TRIM37: variants seen among roughly 807,000 people sequenced by gnomAD.
TRIM37 encodes E3 ubiquitin-protein ligase TRIM37.
A neutral mutation model predicts 129.8 loss-of-function variants in TRIM37; 80 were observed. That is an observed-to-expected ratio of 0.62 (90% CI 0.51 to 0.74). The LOEUF (loss-of-function observed/expected upper bound fraction) is 0.74, where lower values mean the gene tolerates loss of function less well. TRIM37 is among the 30% of genes least tolerant of loss of function. The probability of loss-of-function intolerance (pLI) is 0.00; values close to 1 mark genes in which losing one functional copy is unlikely to be tolerated. For synonymous variants in TRIM37, 389 were observed against 387.1 expected (o/e 1.00, Z -0.06); for missense variants, 1,054 against 1,176.5 (o/e 0.90, Z 1.52).
Position 59,106,570 on chromosome 17 carries a change from C to T in TRIM37, c.-109G>A. The T allele has an allele frequency of 1.5e-6, 2 of 1,378,220 alleles. No homozygotes were observed. Among genetic ancestry groups the T allele is most frequent in the Admixed American group, 1.9e-5 (1 of 52,340 alleles). 85.4% of individuals were successfully genotyped at this position (1,378,220 alleles called of 1,614,324 possible). On this transcript the variant is annotated 5_prime_UTR_variant, in exon 1 of 24. Coordinates refer to ENST00000262294, the MANE Select transcript of TRIM37 (RefSeq NM_015294.6). ...CAAATCGCCGATAAAAGCCCGGCGC[C>T]CACGTCAGGGGGCTCTGACAACCGC...
chr17:58,967,770 G>C, the TRIM37 span, among the ~76,000 whole-genome samples: 1 of 150,678 alleles, frequency 6.6e-6, no homozygotes, highest in East Asian at 1.9e-4. Context: ...CTTTAGTAGG[G>C]ATAGAAATTC....
At chr17:59,070,529 G>A (rs2042274459) in intron 9 of TRIM37, among the ~76,000 whole-genome samples, 2 of 151,994 alleles carry the variant, frequency 1.3e-5, no homozygotes, top group Admixed American at 6.6e-5. Flanking sequence ...AACTAGATTT[G>A]TATGTATACA....
At chr17:59,037,341 A>G (rs1321125678) in intron 17 of TRIM37, among the ~76,000 whole-genome samples, 3 of 151,744 alleles carry the variant, frequency 2.0e-5, no homozygotes, top group Non-Finnish European at 2.9e-5. Flanking sequence ...GGCAGATCAC[A>G]AGATCAGGAG....
the TRIM37 span, chr17:58,972,754 A>T: frequency 7.9e-7 from 1 of 1,269,044 alleles, no homozygotes; most frequent in Non-Finnish European, 1.2e-6. Flanking sequence ...TGAGTATTAT[A>T]TCTGTTGTTT....
intron 23 of TRIM37, 98 bp downstream of exon 23, chr17:59,001,500 G>T: frequency 4.1e-6 from 6 of 1,467,984 alleles, no homozygotes; most frequent in Admixed American, 1.8e-5. Flanking sequence ...AAAAGCAGTA[G>T]AGCGGAAAAA....
chr17:59,075,919 A>G (rs767969919), intron 7 of TRIM37, among the ~76,000 whole-genome samples: 1 of 152,234 alleles, frequency 6.6e-6, no homozygotes, highest in Admixed American at 6.5e-5. Context: ...AACCAATTCT[A>G]ATTAGTTTTA....
the TRIM37 span, among the ~76,000 whole-genome samples, chr17:58,970,362 A>G: frequency 2.6e-5 from 4 of 152,196 alleles, no homozygotes; most frequent in African/African-American, 9.6e-5. Context: ...AAATTAATCT[A>G]ATTATCGTTC....
chr17:59,105,942 C>T (rs150151500), intron 1 of TRIM37, among the ~76,000 whole-genome samples: 1 of 152,188 alleles, frequency 6.6e-6, no homozygotes, highest in African/African-American at 2.4e-5. Flanking sequence ...TTACAAGAAT[C>T]AGTTATAAAA....
At chr17:59,013,417 G>A (rs1283631847) in intron 21 of TRIM37, among the ~76,000 whole-genome samples, 4 of 152,084 alleles carry the variant, frequency 2.6e-5, no homozygotes. Flanking sequence ...AAAGTGCTGG[G>A]GTTACAGGTG....
chr17:59,091,192 G>A (rs903115632), intron 3 of TRIM37, 108 bp downstream of exon 3: 4 of 623,364 alleles, frequency 6.4e-6, no homozygotes, highest in South Asian at 3.9e-5. Flanking sequence ...CTATCTTCAC[G>A]AAGAAGAGAA....
chr17:59,022,346 C>T (rs1480036775), intron 19 of TRIM37, among the ~76,000 whole-genome samples: 1 of 151,896 alleles, frequency 6.6e-6, no homozygotes, highest in Admixed American at 6.6e-5. Context: ...TTTATGATAA[C>T]AAAGTAATGG....
At chr17:59,071,062 A>T in intron 8 of TRIM37, 115 bp from the exon 9 acceptor site, 1 of 1,190,996 alleles carries the variant, frequency 8.4e-7, no homozygotes, top group Non-Finnish European at 1.2e-6. Flanking sequence ...GATAAAAATA[A>T]CTCAAAGTGA....
intron 22 of TRIM37, among the ~76,000 whole-genome samples, chr17:59,004,169 G>A (rs910300385): frequency 1.3e-5 from 2 of 151,916 alleles, no homozygotes; most frequent in Non-Finnish European, 2.9e-5. Flanking sequence ...TCTAAATTGT[G>A]TCAAATAGAA....
chr17:59,007,907 T>C (rs1399941217), intron 22 of TRIM37, among the ~76,000 whole-genome samples: 2 of 152,230 alleles, frequency 1.3e-5, no homozygotes, highest in Non-Finnish European at 1.5e-5. Context: ...CCCACAGTGA[T>C]ATGACACCGA....
intron 4 of TRIM37, 139 bp downstream of exon 4, chr17:59,088,152 G>A (rs561209571): frequency 3.9e-5 from 26 of 662,278 alleles, no homozygotes; most frequent in East Asian, 1.9e-4. Flanking sequence ...CAGTAACAGC[G>A]CATGACTGAA....
intron 19 of TRIM37, among the ~76,000 whole-genome samples, chr17:59,025,213 C>T (rs56386817): frequency 6.6e-6 from 1 of 151,866 alleles, no homozygotes; most frequent in Non-Finnish European, 1.5e-5. Context: ...TTCCATTTAC[C>T]TCACACAGCA....
In TRIM37 at chr17:59,043,579, C is replaced by T. The variant is rs2039475167; in HGVS notation, c.1668-1681G>A. The stretch of plus-strand genomic sequence containing the variant: ...GTATCAGCATCTCTCATTCTGCCCC[C>T]AGCTACCTATTGCTGATGCTATAGT... On this transcript the variant is annotated intron_variant, in intron 16 of 23. Coordinates refer to ENST00000262294, the MANE Select transcript of TRIM37 (RefSeq NM_015294.6). 2.6e-5 allele frequency among the ~76,000 whole-genome samples: 4 copies of T among 152,312 alleles called. No homozygotes were observed. In the South Asian group the frequency reaches 8.3e-4, roughly 32 times the overall value.
intron 24 of TRIM37, among the ~76,000 whole-genome samples, chr17:58,993,113 C>G (rs1234643180): frequency 2.0e-5 from 3 of 152,164 alleles, no homozygotes; most frequent in Non-Finnish European, 2.9e-5. Flanking sequence ...CTCATGAGAT[C>G]TGATGGTTTT....
intron 16 of TRIM37, among the ~76,000 whole-genome samples, chr17:59,046,684 C>T (rs2039843306): frequency 6.6e-6 from 1 of 151,544 alleles, no homozygotes; most frequent in Non-Finnish European, 1.5e-5. Flanking sequence ...CTACAGGCGC[C>T]TGCCACCACA....
Sources: gnomAD v4.1 joint callset for allele counts (sites outside exome capture counted in the v4.1 genomes callset) on GRCh38, gnomAD v4.1.1 for gene constraint, MANE v1.5 for transcripts, NCBI Gene and HGNC (gene_info 2026-07-23, HGNC 2026-07-21) for gene names.